ISM1: variants seen among roughly 807,000 people sequenced by gnomAD.
ISM1 encodes the protein isthmin-1.
A neutral mutation model predicts 46.3 loss-of-function variants in ISM1; 25 were observed. That is an observed-to-expected ratio of 0.54 (90% CI 0.39 to 0.75). The LOEUF is 0.75. Among genes scored for constraint, ISM1 ranks in the 30% least tolerant of loss-of-function variants. The pLI is 0.00. For synonymous variants in ISM1, 255 were observed against 256.7 expected (o/e 0.99, Z 0.06); for missense variants, 536 against 625.4 (o/e 0.86, Z 1.52).
intron 5 of ISM1, 90 bp from the exon 6 acceptor site, chr20:13,298,852 A>T (rs1036954434): frequency 3.6e-6 from 5 of 1,374,638 alleles, no homozygotes; most frequent in Non-Finnish European, 5.0e-6. Flanking sequence ...GCGGGCCCTC[A>T]GGAGCAGCCT....
At chr20:13,230,265 G>C (rs1000307790) in intron 1 of ISM1, among the ~76,000 whole-genome samples, 1 of 152,072 alleles carries the variant, frequency 6.6e-6, no homozygotes, top group African/African-American at 2.4e-5. Context: ...AATCTTTTAC[G>C]CTACATGTTA....
the ISM1 span, among the ~76,000 whole-genome samples, chr20:13,310,965 G>A: frequency 3.7e-4 from 57 of 152,308 alleles, no homozygotes; most frequent in African/African-American, 7.0e-4. Context: ...AGGCTGAGGC[G>A]AGTGGATCAC....
At chr20:13,271,458 A>T (rs867737203) in intron 2 of ISM1, among the ~76,000 whole-genome samples, 16 of 152,186 alleles carry the variant, frequency 1.1e-4, no homozygotes, top group Non-Finnish European at 1.9e-4. Context: ...TACAAAGCAA[A>T]TGTTGATCGG....
chr20:13,275,318 A>G (rs1460888196), intron 2 of ISM1, among the ~76,000 whole-genome samples: 2 of 152,280 alleles, frequency 1.3e-5, no homozygotes, highest in Admixed American at 6.5e-5. Flanking sequence ...TTACAGTTGT[A>G]CGTGCTTCTA....
chr20:13,270,386 A>G (rs2040097712), intron 1 of ISM1, 118 bp from the exon 2 acceptor site: 2 of 1,164,840 alleles, frequency 1.7e-6, no homozygotes, highest in Non-Finnish European at 2.4e-6. Context: ...GGAATGCCCT[A>G]CTGGCTTAAT....
chr20:13,237,818 G>A (rs571136500), intron 1 of ISM1: 2 of 152,270 alleles, frequency 1.3e-5, no homozygotes, highest in Admixed American at 1.3e-4. Flanking sequence ...TTCACTCTCT[G>A]GGCTCCCTGA....
chr20:13,225,573 A>C (rs2039515133), intron 1 of ISM1, among the ~76,000 whole-genome samples: 1 of 152,194 alleles, frequency 6.6e-6, no homozygotes, highest in Admixed American at 6.5e-5. Flanking sequence ...TAGTGTGCTC[A>C]AAACATTAAT....
In ISM1 at chr20:13,247,517, G is replaced by GGTGTGTGT. The variant is rs35224672; in HGVS notation, c.139-22952_139-22945dup. 3.7e-3 allele frequency among the ~76,000 whole-genome samples: 523 copies of GGTGTGTGT among 139,896 alleles called. 9 individuals carry two copies. Among genetic ancestry groups the GGTGTGTGT allele is most frequent in the African/African-American group, 0.011 (403 of 37,220 alleles). 91.8% of individuals were successfully genotyped at this position (139,896 alleles called of 152,430 possible). On this transcript the variant is annotated intron_variant, in intron 1 of 5. Coordinates refer to ENST00000262487, the MANE Select transcript of ISM1 (RefSeq NM_080826.2). ...CAGCATTTCTGGCAGCAAAGTGAGG[G>GGTGTGTGT]GTGTGTGTGTGTGTGTGTGTGTGTG...
chr20:13,243,622 A>G (rs1169195448), intron 1 of ISM1, among the ~76,000 whole-genome samples: 1 of 142,624 alleles, frequency 7.0e-6, no homozygotes, highest in Admixed American at 7.0e-5. Context: ...ACTGCCATGC[A>G]TCCCCTCACT....
At chr20:13,279,361 G>A (rs1282835691) in intron 2 of ISM1, among the ~76,000 whole-genome samples, 2 of 152,162 alleles carry the variant, frequency 1.3e-5, no homozygotes, top group Admixed American at 6.5e-5. Context: ...AACAGTCATT[G>A]TTTCCAGCTA....
chr20:13,319,845 C>T, the ISM1 span, among the ~76,000 whole-genome samples: 1 of 152,182 alleles, frequency 6.6e-6, no homozygotes, highest in African/African-American at 2.4e-5. Flanking sequence ...GGAGCTGTGG[C>T]TGGAGGCTGA....
intron 3 of ISM1, among the ~76,000 whole-genome samples, chr20:13,288,090 C>T (rs2040313130): frequency 6.6e-6 from 1 of 152,110 alleles, no homozygotes; most frequent in African/African-American, 2.4e-5. Context: ...CTGGATTCCC[C>T]AAAGCAAAAG....
chr20:13,279,182 T>C (rs1417028185), intron 2 of ISM1, among the ~76,000 whole-genome samples: 1 of 152,154 alleles, frequency 6.6e-6, no homozygotes, highest in African/African-American at 2.4e-5. Flanking sequence ...GGTACAGAGT[T>C]TGTGTTCATA....
chr20:13,289,553 G>A (rs116410506), intron 4 of ISM1, among the ~76,000 whole-genome samples: 18 of 152,236 alleles, frequency 1.2e-4, no homozygotes, highest in African/African-American at 4.3e-4. Flanking sequence ...GCCAGGTCTG[G>A]CTCGAGACCT....
Position 13,286,204 on chromosome 20 carries a change from G to A in ISM1, c.644-2336G>A, listed in dbSNP as rs140806957. On this transcript the variant is annotated intron_variant, in intron 3 of 5. Transcript: ENST00000262487. ...GATGTGACTGGGTGAGTGCTCATGT[G>A]CGTATGACCCGCTGCACCTGGATGC... Among the ~76,000 whole-genome samples, 1,064 of 152,244 alleles carry A rather than the reference G, an allele frequency of 7.0e-3. 3 individuals carry two copies. Among genetic ancestry groups the A allele is most frequent in the Non-Finnish European group, 0.011 (750 of 68,020 alleles).
intron 1 of ISM1, among the ~76,000 whole-genome samples, chr20:13,231,698 A>G (rs1246558635): frequency 6.6e-6 from 1 of 152,214 alleles, no homozygotes; most frequent in Non-Finnish European, 1.5e-5. Flanking sequence ...AGCACTCTCT[A>G]TGGCTGACAC....
the ISM1 span, among the ~76,000 whole-genome samples, chr20:13,321,509 C>G: frequency 6.6e-6 from 1 of 152,120 alleles, no homozygotes; most frequent in African/African-American, 2.4e-5. Flanking sequence ...CATCTAAAAC[C>G]CTCATTAGCA....
At chr20:13,253,970 C>A (rs968436071) in intron 1 of ISM1, among the ~76,000 whole-genome samples, 1 of 151,176 alleles carries the variant, frequency 6.6e-6, no homozygotes, top group Non-Finnish European at 1.5e-5. Context: ...ATAATCCCAG[C>A]ACCTTGGGAG....
At chr20:13,268,581 C>T (rs923372333) in intron 1 of ISM1, among the ~76,000 whole-genome samples, 4 of 152,126 alleles carry the variant, frequency 2.6e-5, no homozygotes, top group East Asian at 1.9e-4. Context: ...TGTGGAAAGG[C>T]GAGCAAAAAC....
Sources: allele counts gnomAD v4.1 joint callset (sites outside exome capture counted in the v4.1 genomes callset), GRCh38; gene constraint gnomAD v4.1.1; transcripts MANE v1.5; gene names NCBI Gene and HGNC (gene_info 2026-07-23, HGNC 2026-07-21).